Variants in MLIP observed in about 807,000 individuals in gnomAD.
The protein encoded by MLIP is muscular LMNA-interacting protein.
MLIP carries 79 observed loss-of-function variants against 84.8 expected under a neutral mutation model. The ratio of observed to expected loss-of-function variants is 0.93; its 90% confidence interval spans 0.78 to 1.12. The LOEUF is 1.12. Ranked by LOEUF, MLIP falls within the 50% of genes most tolerant of loss-of-function variation. The pLI is 0.00. For missense variants in MLIP, 1,257 were observed against 1,160.6 expected (o/e 1.08, Z -1.21); for synonymous variants, 504 against 463.0 (o/e 1.09, Z -1.14).
At chr6:54,087,836 T>C (rs1767605280) in intron 1 of MLIP, among the ~76,000 whole-genome samples, 1 of 149,106 alleles carries the variant, frequency 6.7e-6, no homozygotes. Flanking sequence ...TTTTAACTCC[T>C]CCACTGTTTG....
chr6:54,031,223 T>TC (rs398110146), intron 1 of MLIP, among the ~76,000 whole-genome samples: 17 of 152,060 alleles, frequency 1.1e-4, no homozygotes, highest in Admixed American at 5.9e-4. Context: ...AATTTTTTTT[T>TC]GTAAAAAAAT....
At chr6:54,259,326 G>A (rs1482838239) in intron 13 of MLIP, among the ~76,000 whole-genome samples, 1 of 151,706 alleles carries the variant, frequency 6.6e-6, no homozygotes, top group African/African-American at 2.4e-5. Flanking sequence ...AATAGATTTT[G>A]CCCATTTCAG....
At chr6:54,240,294 C>T (rs1051565283) in intron 12 of MLIP, among the ~76,000 whole-genome samples, 1 of 152,192 alleles carries the variant, frequency 6.6e-6, no homozygotes, top group African/African-American at 2.4e-5. Context: ...AAGAAACAAT[C>T]CATCAGTATA....
Position 54,111,508 on chromosome 6 carries a change from A to G in MLIP, c.29A>G (p.Asp10Gly), listed in dbSNP as rs531136199. ...CTTTCAGAACAGGGGCTTCTGAGTG[A>G]CTGCGGGAACAATTACTTCCAAATG... The part of the protein sequence containing the change: MLSEQGLLS[D>G]CGNNYFQMTS... Residue 10 changes from aspartate to glycine, a missense_variant, in exon 1 of 14, where the codon GAC becomes GGC. By Grantham distance (94) the Asp-to-Gly change is moderately conservative. Transcript: ENST00000502396. 1 of 1,536,056 alleles carries G rather than the reference A, an allele frequency of 6.5e-7. No individual in the cohort carries two copies. Among genetic ancestry groups the G allele is most frequent in the Non-Finnish European group, 8.7e-7 (1 of 1,146,870 alleles).
chr6:54,171,354 C>T (rs1008956876), intron 9 of MLIP, among the ~76,000 whole-genome samples: 12 of 151,508 alleles, frequency 7.9e-5, no homozygotes, highest in African/African-American at 2.9e-4. Flanking sequence ...GATTCTTGAC[C>T]TTAATTAAAA....
chr6:54,126,435 T>C (rs1396163470), intron 3 of MLIP, among the ~76,000 whole-genome samples: 3 of 152,072 alleles, frequency 2.0e-5, no homozygotes, highest in Admixed American at 1.3e-4. Flanking sequence ...TTCATGTTAT[T>C]AGAGCTCTAA....
intron 4 of MLIP, among the ~76,000 whole-genome samples, chr6:54,146,784 G>A (rs1356112727): frequency 6.6e-6 from 1 of 152,098 alleles, no homozygotes; most frequent in Non-Finnish European, 1.5e-5. Context: ...TATTCTTTAG[G>A]GAAGTTGAGG....
intron 9 of MLIP, among the ~76,000 whole-genome samples, chr6:54,182,554 C>A (rs76810707): frequency 1.3e-5 from 2 of 151,850 alleles, no homozygotes; most frequent in African/African-American, 4.8e-5. Flanking sequence ...GGTGTTCCTG[C>A]GGGAGGTACG....
chr6:54,167,324 C>T (rs1411158701), intron 8 of MLIP, among the ~76,000 whole-genome samples: 1 of 16,586 alleles, frequency 6.0e-5, no homozygotes, highest in East Asian at 1.9e-3. Context: ...CAACTCTCTC[C>T]TTTACTCACT....
chr6:54,031,658 C>G (rs554527022), intron 1 of MLIP: 18 of 152,126 alleles, frequency 1.2e-4, no homozygotes, highest in African/African-American at 4.3e-4. Context: ...TTTCACAGAC[C>G]GTTTTCAAGA....
upstream of MLIP, among the ~76,000 whole-genome samples, chr6:54,109,469 C>T (rs1227554067): frequency 6.6e-6 from 1 of 152,092 alleles, no homozygotes; most frequent in Non-Finnish European, 1.5e-5. Context: ...TGTCTGAGGG[C>T]CCACAGCCAG....
chr6:54,133,112 G>T (rs867461546), intron 3 of MLIP, among the ~76,000 whole-genome samples: 155 of 152,218 alleles, frequency 1.0e-3, no homozygotes, highest in African/African-American at 3.3e-3. Context: ...TAGGGGATGA[G>T]GGGTGTGAGA....
chr6:54,257,099 G>T (rs1783057104), intron 12 of MLIP, among the ~76,000 whole-genome samples: 1 of 151,990 alleles, frequency 6.6e-6, no homozygotes, highest in African/African-American at 2.4e-5. Context: ...ATAAGATGTG[G>T]TCTTATACAC....
At position 54,119,042 on chromosome 6, in the gene MLIP, A is replaced by G. The variant is rs537039561; in HGVS notation, c.97-2405A>G. 2.0e-5 allele frequency among the ~76,000 whole-genome samples: 3 copies of G among 151,384 alleles called. No individual in the cohort carries two copies. In the East Asian group the frequency reaches 5.9e-4, roughly 30 times the overall value. On this transcript the variant is annotated intron_variant, in intron 1 of 13. Coordinates refer to ENST00000502396, the MANE Select transcript of MLIP (RefSeq NM_001281747.2). ...ATGGCTATTATCAGAAAAACAAAGC[A>G]TAAGTGTTGGTGAGAATGTAAGAAA...
At chr6:54,193,331 A>G (rs1158807396) in intron 10 of MLIP, among the ~76,000 whole-genome samples, 1 of 152,226 alleles carries the variant, frequency 6.6e-6, no homozygotes, top group Non-Finnish European at 1.5e-5. Flanking sequence ...TGAGGCTCAC[A>G]TATCATAAAA....
intron 1 of MLIP, among the ~76,000 whole-genome samples, chr6:54,120,910 G>T (rs1770396500): frequency 6.6e-6 from 1 of 151,988 alleles, no homozygotes; most frequent in Non-Finnish European, 1.5e-5. Flanking sequence ...AATTATTTTT[G>T]AAAAAGTGAA....
At chr6:54,071,580 A>G (rs1766487628) in intron 1 of MLIP, among the ~76,000 whole-genome samples, 1 of 152,296 alleles carries the variant, frequency 6.6e-6, no homozygotes, top group Admixed American at 6.5e-5. Context: ...CAATGGAACC[A>G]ATTTTCTTAA....
chr6:54,160,722 CCTTT>C lies in MLIP; in HGVS notation c.2440-13_2440-10del, dbSNP rs1774545023. On this transcript the variant is annotated splice_polypyrimidine_tract_variant and intron_variant, in intron 7 of 13. Coordinates refer to ENST00000502396, the MANE Select transcript of MLIP (RefSeq NM_001281747.2). ...TTTCCTTTTCTCTTCTTCTTTCCTT[CCTTT>C]CTTTTTTTTTCAGCATTCTTCTGAT... 1.3e-6 allele frequency: 2 copies of C among 1,549,514 alleles called. No individual in the cohort carries two copies. The highest frequency in any genetic ancestry group is 1.8e-6 in the Non-Finnish European group (2 of 1,122,658).
chr6:54,182,176 A>G (rs1273631347), intron 9 of MLIP, among the ~76,000 whole-genome samples: 1 of 152,110 alleles, frequency 6.6e-6, no homozygotes, highest in Non-Finnish European at 1.5e-5. Flanking sequence ...TTTCCAAGAG[A>G]GTCAACTTCC....
Sources: allele counts gnomAD v4.1 joint callset (sites outside exome capture counted in the v4.1 genomes callset), GRCh38; gene constraint gnomAD v4.1.1; transcripts MANE v1.5; gene names NCBI Gene and HGNC (gene_info 2026-07-23, HGNC 2026-07-21).